The following CADM2 variants were observed in gnomAD, a reference collection of about 807,000 sequenced individuals.
The protein encoded by CADM2 is cell adhesion molecule 2.
A neutral mutation model predicts 49.8 loss-of-function variants in CADM2; 12 were observed. The ratio of observed to expected loss-of-function variants is 0.24; its 90% CI spans 0.15 to 0.39. CADM2 has a LOEUF of 0.39. Among genes scored for constraint, CADM2 ranks in the 10% least tolerant of loss-of-function variants. The pLI, the probability that CADM2 is intolerant of heterozygous loss-of-function variation, is 1.00. For synonymous variants in CADM2, 214 were observed against 175.4 expected (o/e 1.22, Z -1.74); for missense variants, 378 against 492.3 (o/e 0.77, Z 2.20).
chr3:85,576,883 A>G (rs1275278351), intron 1 of CADM2, among the ~76,000 whole-genome samples: 3 of 152,034 alleles, frequency 2.0e-5, no homozygotes, highest in African/African-American at 7.3e-5. Flanking sequence ...AATATCCCCT[A>G]TTGTATTCTA....
At chr3:85,710,513 A>G (rs1052230369) in intron 1 of CADM2, among the ~76,000 whole-genome samples, 1 of 152,140 alleles carries the variant, frequency 6.6e-6, no homozygotes, top group Non-Finnish European at 1.5e-5. Context: ...TGGCTCCTAA[A>G]TGGAACATTG....
intron 3 of CADM2, among the ~76,000 whole-genome samples, chr3:85,864,186 T>C (rs2075639635): frequency 6.6e-6 from 1 of 152,220 alleles, no homozygotes; most frequent in Admixed American, 6.5e-5. Flanking sequence ...AATACTTTTA[T>C]GCCTTCTTTA....
chr3:85,676,305 C>T (rs1342019758), intron 1 of CADM2, among the ~76,000 whole-genome samples: 1 of 152,186 alleles, frequency 6.6e-6, no homozygotes, highest in Non-Finnish European at 1.5e-5. Context: ...CCCTCCCAAA[C>T]CCAAATAGAA....
At chr3:85,557,694 C>T (rs568854116) in intron 1 of CADM2, among the ~76,000 whole-genome samples, 7 of 151,946 alleles carry the variant, frequency 4.6e-5, no homozygotes, top group South Asian at 2.1e-4. Flanking sequence ...CATTTTGTTG[C>T]GGAAAAGCCA....
chr3:85,398,959 T>C (rs779604298), intron 1 of CADM2, among the ~76,000 whole-genome samples: 1 of 152,208 alleles, frequency 6.6e-6, no homozygotes, highest in Non-Finnish European at 1.5e-5. Flanking sequence ...GACTGCCTGT[T>C]CACTCTCATG....
intron 1 of CADM2, among the ~76,000 whole-genome samples, chr3:85,502,284 T>C (rs2040150735): frequency 6.6e-6 from 1 of 152,150 alleles, no homozygotes; most frequent in African/African-American, 2.4e-5. Context: ...GAGTTCAGAA[T>C]GCTGTAGATT....
intron 1 of CADM2, among the ~76,000 whole-genome samples, chr3:85,167,734 C>CA (rs2040508423): frequency 6.6e-6 from 1 of 151,994 alleles, no homozygotes; most frequent in Non-Finnish European, 1.5e-5. Flanking sequence ...ACCTTTCTTT[C>CA]AAAAAAACTT....
At chr3:85,956,534 T>C (rs1403806642) in intron 7 of CADM2, among the ~76,000 whole-genome samples, 1 of 151,678 alleles carries the variant, frequency 6.6e-6, no homozygotes, top group African/African-American at 2.4e-5. Context: ...CTTGAAGATT[T>C]ATCACAGAGA....
intron 7 of CADM2, among the ~76,000 whole-genome samples, chr3:85,957,434 GT>G (rs1291936800): frequency 1.3e-4 from 19 of 150,282 alleles, no homozygotes; most frequent in Non-Finnish European, 4.5e-5. Context: ...CTCCCTTTTT[GT>G]TTTTTATCTT....
intron 1 of CADM2, among the ~76,000 whole-genome samples, chr3:85,186,334 C>T (rs1238151953): frequency 6.6e-6 from 1 of 151,994 alleles, no homozygotes; most frequent in Non-Finnish European, 1.5e-5. Context: ...CAATTTTGAA[C>T]AAAAACCTAA....
chr3:85,455,281 CT>C (rs2037939248), intron 1 of CADM2, among the ~76,000 whole-genome samples: 1 of 152,186 alleles, frequency 6.6e-6, no homozygotes, highest in Admixed American at 6.5e-5. Context: ...GGAAACATTG[CT>C]AAGTAACTCA....
At chr3:85,752,357 T>C (rs976092677) in intron 2 of CADM2, among the ~76,000 whole-genome samples, 1 of 151,960 alleles carries the variant, frequency 6.6e-6, no homozygotes, top group African/African-American at 2.4e-5. Flanking sequence ...ATCAGGGGTG[T>C]GTGGTGTAGA....
At chr3:85,898,558 T>G (rs571878588) in intron 5 of CADM2, among the ~76,000 whole-genome samples, 2 of 151,120 alleles carry the variant, frequency 1.3e-5, no homozygotes, top group East Asian at 4.0e-4. Context: ...AATCATAGGG[T>G]CTGTACATAT....
chr3:85,959,753 A>G (rs1724588905), intron 7 of CADM2, among the ~76,000 whole-genome samples: 3 of 151,974 alleles, frequency 2.0e-5, no homozygotes, highest in Non-Finnish European at 4.4e-5. Flanking sequence ...TTGTTCCAGT[A>G]TTCAGAGCAG....
At chr3:85,110,868 C>G (rs992716532) in intron 1 of CADM2, among the ~76,000 whole-genome samples, 1 of 151,778 alleles carries the variant, frequency 6.6e-6, no homozygotes, top group African/African-American at 2.4e-5. Context: ...TCCAAACAAT[C>G]CACAGCCAAG....
chr3:86,014,695 C>G lies in CADM2; in HGVS notation c.971-50910C>G, dbSNP rs577233206. On this transcript the variant is annotated intron_variant, in intron 8 of 9. Transcript: ENST00000383699. The stretch of plus-strand genomic sequence containing the variant: ...ATGGGACAACTCAAATTCAATACAC[C>G]GGAGGAACACCATGCTGACATGTGT... 4 of 1,531,426 alleles carry G rather than the reference C, an allele frequency of 2.6e-6. No individual in the cohort carries two copies. In the African/African-American group the frequency reaches 4.1e-5, roughly 16 times the overall value. The allele number at this position is 1,531,426 out of a possible 1,614,324, so 94.9% of individuals were successfully genotyped here. A position where few individuals can be genotyped will look rare whatever the true frequency, so the allele number is the denominator to read the frequency against.
intron 2 of CADM2, among the ~76,000 whole-genome samples, chr3:85,791,641 G>T (rs1185828367): frequency 2.0e-5 from 3 of 151,750 alleles, no homozygotes; most frequent in Admixed American, 2.0e-4. Context: ...AAAACTTAAA[G>T]AATAGTAGGC....
At chr3:85,616,390 A>C (rs960803327) in intron 1 of CADM2, among the ~76,000 whole-genome samples, 9 of 152,124 alleles carry the variant, frequency 5.9e-5, no homozygotes, top group African/African-American at 2.2e-4. Context: ...TTCAACATTA[A>C]ATAAAGCTAT....
At chr3:85,448,256 C>G (rs1005550209) in intron 1 of CADM2, among the ~76,000 whole-genome samples, 3 of 150,502 alleles carry the variant, frequency 2.0e-5, no homozygotes, top group African/African-American at 7.4e-5. Flanking sequence ...TGGCGAGAAC[C>G]CGGAAGGCGG....
Sources: allele counts gnomAD v4.1 joint callset (sites outside exome capture counted in the v4.1 genomes callset), GRCh38; gene constraint gnomAD v4.1.1; transcripts MANE v1.5; gene names NCBI Gene and HGNC (gene_info 2026-07-23, HGNC 2026-07-21).